The following PCDH15 variants were observed in gnomAD, a reference collection of about 807,000 sequenced individuals.
PCDH15 encodes protocadherin related 15.
Under a neutral mutation model 178.5 loss-of-function variants are expected in PCDH15, and 129 were observed. The observed-to-expected ratio is 0.72, with a 90% CI of 0.63 to 0.84. The LOEUF (loss-of-function observed/expected upper bound fraction) is 0.84. Ranked by LOEUF, PCDH15 falls within the 40% of genes least tolerant of loss-of-function variation. The pLI, the probability that PCDH15 is intolerant of heterozygous loss-of-function variation, is 0.00. For missense variants in PCDH15, 2,230 were observed against 2,099.9 expected, an observed-to-expected ratio of 1.06 and a Z score of -1.21; for synonymous variants, 800 against 732.0, an observed-to-expected ratio of 1.09 and a Z score of -1.50.
At chr10:55,597,422 T>C (rs1176665411) in intron 2 of PCDH15, among the ~76,000 whole-genome samples, 1 of 152,110 alleles carries the variant, frequency 6.6e-6, no homozygotes, top group Non-Finnish European at 1.5e-5. Context: ...AGAAACAAGA[T>C]ACTTAAATTG....
chr10:55,151,008 C>T (rs1018063599), intron 2 of PCDH15, among the ~76,000 whole-genome samples: 2 of 152,092 alleles, frequency 1.3e-5, no homozygotes, highest in Non-Finnish European at 2.9e-5. Context: ...AATTGAATAT[C>T]ACAGTTAATA....
intron 23 of PCDH15, among the ~76,000 whole-genome samples, chr10:53,941,955 C>T (rs1423144870): frequency 6.6e-6 from 1 of 152,208 alleles, no homozygotes; most frequent in African/African-American, 2.4e-5. Context: ...TTCCAAGCTA[C>T]ATTATGCAAT....
At chr10:55,583,958 G>T (rs1337094523) in intron 2 of PCDH15, among the ~76,000 whole-genome samples, 1 of 151,984 alleles carries the variant, frequency 6.6e-6, no homozygotes, top group East Asian at 1.9e-4. Flanking sequence ...GCTCACTGCA[G>T]CCTCCACCTC....
intron 1 of PCDH15, among the ~76,000 whole-genome samples, chr10:55,216,428 C>T (rs1840704279): frequency 6.6e-6 from 1 of 151,760 alleles, no homozygotes; most frequent in African/African-American, 2.4e-5. Flanking sequence ...CAATTTATAG[C>T]TTTGGTAAAG....
At chr10:55,321,093 A>T (rs962936337), upstream of PCDH15, among the ~76,000 whole-genome samples, 1 of 151,856 alleles carries the variant, frequency 6.6e-6, no homozygotes, top group Non-Finnish European at 1.5e-5. Flanking sequence ...AAAAGAAAGA[A>T]GGAAGGAAGG....
intron 2 of PCDH15, among the ~76,000 whole-genome samples, chr10:55,058,133 C>A (rs1384789365): frequency 6.6e-6 from 1 of 152,136 alleles, no homozygotes; most frequent in Non-Finnish European, 1.5e-5. Flanking sequence ...CATATTCATT[C>A]AAATGCATCC....
chr10:54,576,020 T>C (rs535835418), intron 2 of PCDH15, among the ~76,000 whole-genome samples: 1 of 145,786 alleles, frequency 6.9e-6, no homozygotes, highest in Non-Finnish European at 1.5e-5. Context: ...GTAAGTTAGA[T>C]ACATATCTTT....
chr10:54,995,598 G>GT (rs1165187362), intron 2 of PCDH15, among the ~76,000 whole-genome samples: 2 of 144,460 alleles, frequency 1.4e-5, no homozygotes, highest in East Asian at 2.0e-4. Context: ...GATGTTTATA[G>GT]TTTCTTCCGA....
intron 1 of PCDH15, among the ~76,000 whole-genome samples, chr10:55,291,310 C>A (rs1055301147): frequency 3.2e-4 from 48 of 152,192 alleles, no homozygotes; most frequent in African/African-American, 1.0e-3. Flanking sequence ...TCTCTGGTTT[C>A]TCTGCTTTAG....
At chr10:55,169,394 T>C (rs965812210) in intron 1 of PCDH15, among the ~76,000 whole-genome samples, 1 of 152,212 alleles carries the variant, frequency 6.6e-6, no homozygotes, top group Admixed American at 6.5e-5. Context: ...TTAATCTCTA[T>C]GTTGTAGTAA....
chr10:54,338,659 T>G (rs1402641931), intron 6 of PCDH15, among the ~76,000 whole-genome samples: 2 of 152,166 alleles, frequency 1.3e-5, no homozygotes, highest in Non-Finnish European at 2.9e-5. Flanking sequence ...AACACCACTG[T>G]AATACCTCAA....
intron 8 of PCDH15, among the ~76,000 whole-genome samples, chr10:54,259,422 G>C (rs1371047091): frequency 2.0e-5 from 3 of 152,106 alleles, no homozygotes; most frequent in African/African-American, 7.2e-5. Context: ...TGGTCCATGA[G>C]AGCAAAATCA....
intron 9 of PCDH15, among the ~76,000 whole-genome samples, chr10:54,214,889 C>A (rs2051840319): frequency 6.6e-6 from 1 of 152,116 alleles, no homozygotes; most frequent in Non-Finnish European, 1.5e-5. Context: ...CCACGCCTAG[C>A]CAAGATGGTA....
chr10:55,146,981 A>C (rs1838531914), intron 2 of PCDH15, among the ~76,000 whole-genome samples: 1 of 151,760 alleles, frequency 6.6e-6, no homozygotes, highest in South Asian at 2.1e-4. Context: ...TATTTTAAAA[A>C]GAATCTATTT....
At chr10:55,176,707 C>A (rs899906311) in intron 1 of PCDH15, among the ~76,000 whole-genome samples, 1 of 152,084 alleles carries the variant, frequency 6.6e-6, no homozygotes, top group Non-Finnish European at 1.5e-5. Flanking sequence ...TCTTGTGGTT[C>A]CCAATCCCTA....
At chr10:54,916,205 C>T (rs915834565) in intron 2 of PCDH15, among the ~76,000 whole-genome samples, 4 of 152,120 alleles carry the variant, frequency 2.6e-5, no homozygotes, top group African/African-American at 7.2e-5. Flanking sequence ...TCCTGACCAC[C>T]CACCTCAGCC....
intron 1 of PCDH15, among the ~76,000 whole-genome samples, chr10:54,800,418 C>T (rs1952548800): frequency 6.6e-6 from 1 of 152,146 alleles, no homozygotes; most frequent in Admixed American, 6.6e-5. Context: ...TATCAGTATA[C>T]TCACAAAAGA....
chr10:55,011,259 T>C (rs1449358035), intron 2 of PCDH15, among the ~76,000 whole-genome samples: 1 of 152,060 alleles, frequency 6.6e-6, no homozygotes, highest in African/African-American at 2.4e-5. Flanking sequence ...AGAAAATATA[T>C]AATTGAGATT....
chr10:54,386,661 C>T (rs943523928), intron 3 of PCDH15, among the ~76,000 whole-genome samples: 8 of 151,972 alleles, frequency 5.3e-5, no homozygotes, highest in Non-Finnish European at 1.2e-4. Context: ...GAACTTGAAT[C>T]AATAGTTTTT....
Sources: allele counts gnomAD v4.1 joint callset (sites outside exome capture counted in the v4.1 genomes callset), GRCh38; gene constraint gnomAD v4.1.1; transcripts MANE v1.5; gene names NCBI Gene and HGNC (gene_info 2026-07-23, HGNC 2026-07-21).